RGS6: variants seen among roughly 807,000 people sequenced by gnomAD.
RGS6 encodes the protein regulator of G-protein signaling 6.
RGS6 carries 30 observed loss-of-function variants against 78.5 expected under a neutral mutation model. That is an observed-to-expected ratio of 0.38 (90% CI 0.29 to 0.52). RGS6 has a LOEUF of 0.52. RGS6 is among the 20% of genes least tolerant of loss of function. The pLI, the probability that RGS6 is intolerant of heterozygous loss-of-function variation, is 0.85. For synonymous variants in RGS6, 206 were observed against 206.0 expected (o/e 1.00, Z 0.00); for missense variants, 495 against 609.7 (o/e 0.81, Z 1.98).
intron 3 of RGS6, among the ~76,000 whole-genome samples, chr14:72,418,353 G>A (rs1401650509): frequency 1.3e-5 from 2 of 152,070 alleles, no homozygotes; most frequent in Non-Finnish European, 2.9e-5. Flanking sequence ...TTTTAGTAGA[G>A]ATGGGGTTTC....
At chr14:72,576,745 C>A in the RGS6 span, among the ~76,000 whole-genome samples, 1 of 152,176 alleles carries the variant, frequency 6.6e-6, no homozygotes, top group African/African-American at 2.4e-5. Context: ...ATGATGGATC[C>A]AACTGCCCCT....
intron 2 of RGS6, among the ~76,000 whole-genome samples, chr14:72,008,327 G>C (rs1052940470): frequency 1.3e-5 from 2 of 152,170 alleles, no homozygotes; most frequent in East Asian, 3.9e-4. Context: ...CACCCAAGAA[G>C]GCTGATTTAG....
intron 7 of RGS6, 110 bp from the exon 8 acceptor site, chr14:72,469,897 T>G: frequency 1.4e-6 from 1 of 740,194 alleles, no homozygotes; most frequent in Non-Finnish European, 2.4e-6. Context: ...CAGGTCTTGC[T>G]ATTTTGTTGG....
intron 2 of RGS6, among the ~76,000 whole-genome samples, chr14:72,084,772 T>TA (rs1374772680): frequency 1.3e-5 from 2 of 151,934 alleles, no homozygotes; most frequent in Admixed American, 1.3e-4. Flanking sequence ...TGCACATATA[T>TA]AAAAAACGAA....
intron 2 of RGS6, among the ~76,000 whole-genome samples, chr14:72,255,626 G>A (rs954742274): frequency 2.0e-5 from 3 of 152,100 alleles, no homozygotes; most frequent in Admixed American, 2.0e-4. Flanking sequence ...TTAAAATGTG[G>A]CACAAATTCT....
intron 3 of RGS6, among the ~76,000 whole-genome samples, chr14:72,395,065 G>A (rs1175531905): frequency 6.6e-6 from 1 of 152,092 alleles, no homozygotes. Flanking sequence ...CAAATTATTA[G>A]ACATTTCAAT....
chr14:72,454,434 T>G, intron 3 of RGS6, 94 bp from the exon 4 acceptor site: 1 of 1,309,488 alleles, frequency 7.6e-7, no homozygotes, highest in Non-Finnish European at 1.1e-6. Flanking sequence ...GTGTGGACTG[T>G]TTGGAATTAG....
intron 2 of RGS6, among the ~76,000 whole-genome samples, chr14:71,966,566 C>T (rs1201139157): frequency 1.3e-5 from 2 of 152,112 alleles, no homozygotes; most frequent in Non-Finnish European, 2.9e-5. Context: ...AAAATGCCAA[C>T]TTTACCACTC....
intron 8 of RGS6, among the ~76,000 whole-genome samples, chr14:72,471,733 C>T (rs2239278): frequency 3.3e-5 from 5 of 152,296 alleles, no homozygotes; most frequent in East Asian, 3.9e-4. Flanking sequence ...AGCAGCCCCC[C>T]GGGGATAGGC....
At chr14:72,314,222 G>T (rs1470090401) in intron 2 of RGS6, among the ~76,000 whole-genome samples, 1 of 152,084 alleles carries the variant, frequency 6.6e-6, no homozygotes, top group African/African-American at 2.4e-5. Context: ...CTAATGAGAT[G>T]CTTGGAGGCA....
chr14:72,118,839 G>A (rs917063092), intron 2 of RGS6, among the ~76,000 whole-genome samples: 1 of 152,210 alleles, frequency 6.6e-6, no homozygotes, highest in Non-Finnish European at 1.5e-5. Context: ...TAGAAAAATA[G>A]GAGTGGTTTT....
At chr14:71,906,069 C>T in the RGS6 span, among the ~76,000 whole-genome samples, 6 of 152,174 alleles carry the variant, frequency 3.9e-5, no homozygotes, top group African/African-American at 9.7e-5. Context: ...TCTGAAGTCT[C>T]GATCTGACCC....
At chr14:72,203,399 C>T (rs1343160940) in intron 2 of RGS6, among the ~76,000 whole-genome samples, 2 of 152,098 alleles carry the variant, frequency 1.3e-5, no homozygotes, top group Non-Finnish European at 2.9e-5. Flanking sequence ...ACAAATTGTC[C>T]CAAATTTAGT....
chr14:72,409,898 C>T (rs1249444765), intron 3 of RGS6, among the ~76,000 whole-genome samples: 2 of 152,218 alleles, frequency 1.3e-5, no homozygotes, highest in Middle Eastern at 3.4e-3. Context: ...TGAACTCATC[C>T]TTTTTTATGG....
the RGS6 span, among the ~76,000 whole-genome samples, chr14:71,922,034 A>C: frequency 6.6e-6 from 1 of 152,126 alleles, no homozygotes; most frequent in Non-Finnish European, 1.5e-5. Flanking sequence ...TTTTATTCCT[A>C]GTCCCCATCT....
intron 2 of RGS6, among the ~76,000 whole-genome samples, chr14:72,292,145 C>G (rs2152332978): frequency 6.6e-6 from 1 of 152,294 alleles, no homozygotes; most frequent in Middle Eastern, 3.4e-3. Flanking sequence ...GCAGAGCCTG[C>G]CTTCCCCAGT....
intron 2 of RGS6, among the ~76,000 whole-genome samples, chr14:72,072,091 C>G (rs2094428254): frequency 6.6e-6 from 1 of 152,310 alleles, no homozygotes; most frequent in South Asian, 2.1e-4. Flanking sequence ...ACATGGCAAG[C>G]ATTGTCCCAT....
intron 3 of RGS6, among the ~76,000 whole-genome samples, chr14:72,414,559 A>C (rs1176087407): frequency 6.6e-6 from 1 of 151,936 alleles, no homozygotes; most frequent in Non-Finnish European, 1.5e-5. Flanking sequence ...CCTTCTCTCA[A>C]CTCGTCAAAG....
At chr14:72,578,491 C>T in the RGS6 span, among the ~76,000 whole-genome samples, 1 of 152,344 alleles carries the variant, frequency 6.6e-6, no homozygotes, top group Non-Finnish European at 1.5e-5. Context: ...TCAAAAGCTT[C>T]CAGCACTAGA....
Sources: allele counts gnomAD v4.1 joint callset (sites outside exome capture counted in the v4.1 genomes callset), GRCh38; gene constraint gnomAD v4.1.1; transcripts MANE v1.5; gene names NCBI Gene and HGNC (gene_info 2026-07-23, HGNC 2026-07-21).